Variants in LRRTM4 observed in about 807,000 individuals in gnomAD.
The protein encoded by LRRTM4 is leucine-rich repeat transmembrane neuronal protein 4.
LRRTM4 carries 25 observed loss-of-function variants against 47.6 expected under a neutral mutation model. The ratio of observed to expected loss-of-function variants is 0.53; its 90% CI spans 0.38 to 0.73. LRRTM4 has a LOEUF of 0.73. Ranked by LOEUF, LRRTM4 falls within the 30% of genes least tolerant of loss-of-function variation. The pLI is 0.00. For synonymous variants in LRRTM4, 311 were observed against 269.5 expected (o/e 1.15, Z -1.51); for missense variants, 638 against 713.4 (o/e 0.89, Z 1.20).
In LRRTM4 at chr2:76,807,425, C is replaced by CATATATACACACACAT. The variant is rs1670531565; in HGVS notation, c.1552-58510_1552-58509insATGTGTGTGTATATAT. On this transcript the variant is annotated intron_variant, in intron 3 of 3. Coordinates refer to ENST00000409884, the MANE Select transcript of LRRTM4 (RefSeq NM_001134745.3). ...GTATATACGTATATATATATATATACATATATATATACGTATATACATATA... is the reference window on the plus strand; with the variant it reads ...GTATATACGTATATATATATATATACATATATACACACACATATATATATATACGTATATACATATA... 6.1e-5 allele frequency among the ~76,000 whole-genome samples: 6 copies of CATATATACACACACAT among 98,056 alleles called. No individual in the cohort carries two copies. The East Asian group carries it at 8.5e-4, about 14-fold the overall frequency. The allele number at this position is 98,056 out of a possible 152,430, so 64.3% of individuals were successfully genotyped here. A position where few individuals can be genotyped will look rare whatever the true frequency, so the allele number is the denominator to read the frequency against.
chr2:76,921,811 C>T (rs1048750752), intron 3 of LRRTM4, among the ~76,000 whole-genome samples: 1 of 151,976 alleles, frequency 6.6e-6, no homozygotes, highest in Non-Finnish European at 1.5e-5. Flanking sequence ...TGTGTATTCC[C>T]TGCACAAGCA....
intron 3 of LRRTM4, among the ~76,000 whole-genome samples, chr2:76,987,881 T>A (rs754038195): frequency 1.3e-5 from 2 of 151,826 alleles, no homozygotes; most frequent in African/African-American, 4.8e-5. Flanking sequence ...GTCACCCATA[T>A]GCCCAAAAAA....
chr2:77,101,291 C>T (rs1468357998), intron 3 of LRRTM4, among the ~76,000 whole-genome samples: 1 of 152,034 alleles, frequency 6.6e-6, no homozygotes, highest in Non-Finnish European at 1.5e-5. Context: ...GAAAGACATG[C>T]ATATATATCT....
intron 3 of LRRTM4, among the ~76,000 whole-genome samples, chr2:76,877,651 TCTAGA>T (rs1672814463): frequency 1.3e-5 from 2 of 152,190 alleles, no homozygotes; most frequent in African/African-American, 4.8e-5. Context: ...ATTTATTACT[TCTAGA>T]AATTCTATTT....
chr2:76,802,594 T>A (rs1350867314), intron 3 of LRRTM4, among the ~76,000 whole-genome samples: 1 of 152,050 alleles, frequency 6.6e-6, no homozygotes, highest in Non-Finnish European at 1.5e-5. Flanking sequence ...ATTTTTCACA[T>A]AATAGGAAAC....
chr2:76,860,882 T>C (rs1453215564), intron 3 of LRRTM4, among the ~76,000 whole-genome samples: 1 of 151,102 alleles, frequency 6.6e-6, no homozygotes, highest in Non-Finnish European at 1.5e-5. Flanking sequence ...TAAAAATATA[T>C]TGTAAAATTA....
chr2:77,115,307 C>A (rs191383982), intron 3 of LRRTM4, among the ~76,000 whole-genome samples: 54 of 152,252 alleles, frequency 3.5e-4, no homozygotes, highest in Admixed American at 1.5e-3. Flanking sequence ...TTATCCTGTT[C>A]TTTTTCAGGG....
chr2:77,320,888 A>C (rs1214229544), intron 3 of LRRTM4, among the ~76,000 whole-genome samples: 2 of 152,078 alleles, frequency 1.3e-5, no homozygotes, highest in African/African-American at 4.8e-5. Flanking sequence ...ATTAAGCTTT[A>C]ATATTTATAT....
chr2:76,930,395 G>A (rs535341460), intron 3 of LRRTM4, among the ~76,000 whole-genome samples: 29 of 152,146 alleles, frequency 1.9e-4, no homozygotes, highest in Admixed American at 4.6e-4. Flanking sequence ...ATTAGTAAAC[G>A]TGTCTGTGCT....
Position 76,950,493 on chromosome 2 carries a change from A to G in LRRTM4, c.1552-201577T>C, listed in dbSNP as rs139006628. ...TAAGAAAATTTTATTAACCTTCAAA[A>G]CAGGAAAAATGAATATTGTATCTGA... On this transcript the variant is annotated intron_variant, in intron 3 of 3. Transcript: ENST00000409884. Among the ~76,000 whole-genome samples, 41 of 152,112 alleles carry G rather than the reference A, an allele frequency of 2.7e-4. No individual in the cohort carries two copies. In the East Asian group the frequency reaches 6.2e-3, roughly 23 times the overall value.
rs537534415 is a variant in LRRTM4, at chr2:77,354,752, C to T, written c.1551+163566G>A. ...GAAGCTGGCCTTTCATACTTCCACACTCGTCAGCCATTGGCTAAGGGCAGG... is the reference window on the plus strand; with the variant it reads ...GAAGCTGGCCTTTCATACTTCCACATTCGTCAGCCATTGGCTAAGGGCAGG... On this transcript the variant is annotated intron_variant, in intron 3 of 3. Coordinates refer to ENST00000409884, the MANE Select transcript of LRRTM4 (RefSeq NM_001134745.3). 3.9e-5 allele frequency among the ~76,000 whole-genome samples: 6 copies of T among 152,272 alleles called. No individual in the cohort carries two copies. In the East Asian group the frequency reaches 5.8e-4, roughly 15 times the overall value.
intron 3 of LRRTM4, among the ~76,000 whole-genome samples, chr2:77,045,698 G>C (rs1679210741): frequency 6.6e-6 from 1 of 151,880 alleles, no homozygotes. Context: ...GCTCCTCCTT[G>C]CCTTCCACCA....
intron 3 of LRRTM4, among the ~76,000 whole-genome samples, chr2:77,067,478 G>A (rs1252407979): frequency 4.0e-5 from 6 of 151,714 alleles, no homozygotes; most frequent in African/African-American, 1.2e-4. Context: ...TGGGGGGCTG[G>A]GTATGAGACA....
chr2:76,776,933 GT>G lies in LRRTM4; in HGVS notation c.1552-28018del, dbSNP rs538452507. On this transcript the variant is annotated intron_variant, in intron 3 of 3. Coordinates refer to ENST00000409884, the MANE Select transcript of LRRTM4 (RefSeq NM_001134745.3). ...TTTAATCCATCTTGAATTGATTTTT[GT>G]ATAAGGTGTAAGGAAGGGATCCAGT... Among the ~76,000 whole-genome samples the G allele has an allele frequency of 8.9e-3, 1,216 of 137,064 alleles. 6 individuals are homozygous for G. The highest frequency in any genetic ancestry group is 0.032 in the African/African-American group (1,150 of 36,074). 89.9% of individuals were successfully genotyped at this position (137,064 alleles called of 152,430 possible). A position where few individuals can be genotyped will look rare whatever the true frequency, so the allele number is the denominator to read the frequency against.
chr2:77,414,008 G>T (rs1259339518), intron 3 of LRRTM4, among the ~76,000 whole-genome samples: 1 of 152,070 alleles, frequency 6.6e-6, no homozygotes, highest in African/African-American at 2.4e-5. Flanking sequence ...CATTACACTG[G>T]AAAAGTGAGG....
intron 3 of LRRTM4, among the ~76,000 whole-genome samples, chr2:76,963,767 A>G (rs939014449): frequency 1.1e-4 from 17 of 150,996 alleles, no homozygotes; most frequent in African/African-American, 4.1e-4. Context: ...ATAGTGAAAA[A>G]TATAAACAAT....
At chr2:77,146,562 A>G (rs1672266895) in intron 3 of LRRTM4, among the ~76,000 whole-genome samples, 1 of 152,194 alleles carries the variant, frequency 6.6e-6, no homozygotes, top group African/African-American at 2.4e-5. Context: ...AAGCTCTGAA[A>G]TTTTAAGCCG....
intron 3 of LRRTM4, among the ~76,000 whole-genome samples, chr2:76,927,763 TC>T (rs1674634014): frequency 6.6e-6 from 1 of 152,124 alleles, no homozygotes; most frequent in Non-Finnish European, 1.5e-5. Context: ...TAAGAAACTT[TC>T]CATTTAAAAG....
chr2:77,048,708 G>A (rs1009242920), intron 3 of LRRTM4, among the ~76,000 whole-genome samples: 1 of 148,208 alleles, frequency 6.7e-6, no homozygotes, highest in Non-Finnish European at 1.5e-5. Flanking sequence ...CATACCATAT[G>A]TAATTATCAA....
Sources: gnomAD v4.1 joint callset for allele counts (sites outside exome capture counted in the v4.1 genomes callset) on GRCh38, gnomAD v4.1.1 for gene constraint, MANE v1.5 for transcripts, NCBI Gene and HGNC (gene_info 2026-07-23, HGNC 2026-07-21) for gene names.